ADAMTS17: variants seen among roughly 807,000 people sequenced by gnomAD.
The protein encoded by ADAMTS17 is ADAM metallopeptidase with thrombospondin type 1 motif 17, also known as A disintegrin and metalloproteinase with thrombospondin motifs 17.
A neutral mutation model predicts 141.5 loss-of-function variants in ADAMTS17; 113 were observed. That is an observed-to-expected ratio of 0.80 (90% CI 0.69 to 0.93). The LOEUF (loss-of-function observed/expected upper bound fraction) is 0.93, where lower values mean the gene tolerates loss of function less well. Among genes scored for constraint, ADAMTS17 ranks in the 40% least tolerant of loss-of-function variants. The pLI, the probability that ADAMTS17 is intolerant of heterozygous loss-of-function variation, is 0.00. For missense variants in ADAMTS17, 1,659 were observed against 1,517.9 expected (o/e 1.09, Z -1.54); for synonymous variants, 768 against 630.6 (o/e 1.22, Z -3.27).
chr15:100,160,814 G>A (rs930411963), intron 8 of ADAMTS17, among the ~76,000 whole-genome samples: 3 of 152,164 alleles, frequency 2.0e-5, no homozygotes, highest in African/African-American at 7.2e-5. Flanking sequence ...TACATGCCAA[G>A]CGGCTCATCA....
At chr15:100,278,630 T>C (rs181025930) in intron 4 of ADAMTS17, among the ~76,000 whole-genome samples, 3 of 152,226 alleles carry the variant, frequency 2.0e-5, no homozygotes, top group Non-Finnish European at 2.9e-5. Context: ...GTGAGGGGCA[T>C]GGCGGAGATA....
At chr15:100,100,079 C>T (rs1333412203) in intron 14 of ADAMTS17, among the ~76,000 whole-genome samples, 1 of 152,210 alleles carries the variant, frequency 6.6e-6, no homozygotes, top group African/African-American at 2.4e-5. Context: ...CTCTGTTGTG[C>T]ATGTATTGAT....
chr15:100,296,580 G>GT (rs1555504074), intron 3 of ADAMTS17, among the ~76,000 whole-genome samples: 10,973 of 107,956 alleles, frequency 0.1, 595 homozygotes, highest in East Asian at 0.25. Flanking sequence ...GGTGAGGGGG[G>GT]GTGTGTGTGT....
Position 100,341,417 on chromosome 15 carries a change from G to A in ADAMTS17, c.80-8C>T, listed in dbSNP as rs1437467628. The A allele has an allele frequency of 3.0e-6, 3 of 1,015,938 alleles. No homozygotes were observed. Among genetic ancestry groups the A allele is most frequent in the Non-Finnish European group, 3.5e-6 (3 of 851,686 alleles). 62.9% of individuals were successfully genotyped at this position (1,015,938 alleles called of 1,614,324 possible). On this transcript the variant is annotated splice_polypyrimidine_tract_variant and splice_region_variant and intron_variant, in intron 1 of 21. Coordinates refer to ENST00000268070, the MANE Select transcript of ADAMTS17 (RefSeq NM_139057.4). ...CCGCCGCGTCGCCGACAGCTGCGGGGAGAGAGGAGACGCGTCAGCGCGGCG... is the reference window on the plus strand; with the variant it reads ...CCGCCGCGTCGCCGACAGCTGCGGGAAGAGAGGAGACGCGTCAGCGCGGCG...
chr15:100,126,189 G>C lies in ADAMTS17; in HGVS notation c.1721+5818C>G, dbSNP rs562881307. The C allele has an allele frequency of 9.8e-5, 15 of 152,334 alleles. No individual in the cohort carries two copies. In the East Asian group the frequency reaches 2.7e-3, roughly 27 times the overall value. 9.4% of individuals were successfully genotyped at this position (152,334 alleles called of 1,614,324 possible). ...CTTCATAAAACACGCCACATCCTGC[G>C]TCTCTTTGGGAAGCCCCGGAGATGG... On this transcript the variant is annotated intron_variant, in intron 12 of 21. Coordinates refer to ENST00000268070, the MANE Select transcript of ADAMTS17 (RefSeq NM_139057.4).
At chr15:100,083,602 T>C (rs767318522) in intron 15 of ADAMTS17, among the ~76,000 whole-genome samples, 6 of 152,176 alleles carry the variant, frequency 3.9e-5, no homozygotes, top group Middle Eastern at 3.4e-3. Flanking sequence ...TGCCTTGGCA[T>C]TGTTACCACA....
chr15:100,251,743 C>CA (rs1475233184), intron 7 of ADAMTS17, among the ~76,000 whole-genome samples: 1 of 152,102 alleles, frequency 6.6e-6, no homozygotes, highest in African/African-American at 2.4e-5. Context: ...ACCTCAACAA[C>CA]AAAAAAAGCT....
chr15:100,298,415 C>T (rs1032250621), intron 3 of ADAMTS17, among the ~76,000 whole-genome samples: 1 of 152,134 alleles, frequency 6.6e-6, no homozygotes, highest in Non-Finnish European at 1.5e-5. Context: ...CAAGCCCCGA[C>T]TCTGTGGTCG....
chr15:100,239,809 T>A (rs1265188728), intron 7 of ADAMTS17, among the ~76,000 whole-genome samples: 3 of 152,018 alleles, frequency 2.0e-5, no homozygotes, highest in African/African-American at 7.2e-5. Flanking sequence ...AGAAGTCAGG[T>A]GGGAATTCCA....
intron 7 of ADAMTS17, among the ~76,000 whole-genome samples, chr15:100,203,085 C>T (rs954993555): frequency 6.6e-6 from 1 of 152,238 alleles, no homozygotes; most frequent in Admixed American, 6.5e-5. Flanking sequence ...ATGGGCTTGA[C>T]TGCTCTGAAC....
chr15:100,163,232 A>T (rs954792672), intron 8 of ADAMTS17, among the ~76,000 whole-genome samples: 12 of 152,076 alleles, frequency 7.9e-5, no homozygotes, highest in African/African-American at 2.9e-4. Context: ...CAACTTATTG[A>T]GACAGATAAA....
Position 100,058,294 on chromosome 15 carries a change from C to T in ADAMTS17, c.2138-4240G>A, listed in dbSNP as rs1238454904. On this transcript the variant is annotated intron_variant, in intron 15 of 21. Coordinates refer to ENST00000268070, the MANE Select transcript of ADAMTS17 (RefSeq NM_139057.4). ...CCTATCCCGGCTCTAACCCTCCTAT[C>T]CCGGCTCTAACACCCCTATCCCGGC... Among the ~76,000 whole-genome samples the T allele has an allele frequency of 1.3e-4, 7 of 52,648 alleles. 1 individual carries two copies. The highest frequency in any genetic ancestry group is 9.3e-4 in the Admixed American group (6 of 6,460). 34.5% of individuals were successfully genotyped at this position (52,648 alleles called of 152,430 possible).
In ADAMTS17 at chr15:99,974,346, G is replaced by C; in HGVS notation, c.*56C>G. The C allele has an allele frequency of 5.6e-6, 9 of 1,610,740 alleles. No homozygotes were observed. Among genetic ancestry groups the C allele is most frequent in the Non-Finnish European group, 7.6e-6 (9 of 1,178,776 alleles). On this transcript the variant is annotated 3_prime_UTR_variant, in exon 22 of 22. Coordinates refer to ENST00000268070, the MANE Select transcript of ADAMTS17 (RefSeq NM_139057.4). Reference sequence around the variant, plus strand: ...GTGGCCACAAGGCTGGTAGGCTTGCGGGTGGGTGGGTTTCAGACCTGAGTC... The same window carrying C: ...GTGGCCACAAGGCTGGTAGGCTTGCCGGTGGGTGGGTTTCAGACCTGAGTC...
intron 3 of ADAMTS17, among the ~76,000 whole-genome samples, chr15:100,324,487 C>G (rs902481648): frequency 1.3e-5 from 2 of 152,140 alleles, no homozygotes; most frequent in Non-Finnish European, 1.5e-5. Flanking sequence ...CCTATCTCCC[C>G]CACCAAACCC....
In ADAMTS17 at chr15:100,122,574, A is replaced by G. The variant is rs148856380; in HGVS notation, c.1722-5561T>C. ...CTCACATGTAGTAGAAAATCCACAT[A>G]TAACTTTTAACACCCCCAAAATTAA... is the stretch of plus-strand genomic sequence containing the variant. On this transcript the variant is annotated intron_variant, in intron 12 of 21. Transcript: ENST00000268070. Among the ~76,000 whole-genome samples the G allele has an allele frequency of 9.9e-3, 1,509 of 152,322 alleles. 21 individuals carry two copies. Among genetic ancestry groups the G allele is most frequent in the African/African-American group, 0.033 (1,390 of 41,564 alleles).
intron 18 of ADAMTS17, among the ~76,000 whole-genome samples, chr15:100,031,907 G>C (rs1567696046): frequency 6.6e-6 from 1 of 152,302 alleles, no homozygotes; most frequent in East Asian, 1.9e-4. Context: ...ATTGAGCACT[G>C]ATAAGGTCCT....
chr15:100,066,733 T>G (rs930116096), intron 15 of ADAMTS17, among the ~76,000 whole-genome samples: 3 of 152,126 alleles, frequency 2.0e-5, no homozygotes, highest in African/African-American at 7.2e-5. Context: ...CGTTCCTTTC[T>G]AAGTGGCCCA....
intron 18 of ADAMTS17, among the ~76,000 whole-genome samples, chr15:100,008,152 G>A (rs955686660): frequency 6.6e-6 from 1 of 152,098 alleles, no homozygotes; most frequent in Admixed American, 6.5e-5. Flanking sequence ...AACGTGGTCT[G>A]ATGCTTGCTG....
At chr15:99,994,860 C>T (rs1036792128) in intron 19 of ADAMTS17, among the ~76,000 whole-genome samples, 3 of 152,240 alleles carry the variant, frequency 2.0e-5, no homozygotes, top group Non-Finnish European at 2.9e-5. Context: ...CATTGCGCCT[C>T]GCAGCTCTTT....
Sources: allele counts gnomAD v4.1 joint callset (sites outside exome capture counted in the v4.1 genomes callset), GRCh38; gene constraint gnomAD v4.1.1; transcripts MANE v1.5; gene names NCBI Gene and HGNC (gene_info 2026-07-23, HGNC 2026-07-21).